FREM1: variants seen among roughly 807,000 people sequenced by gnomAD.
The protein encoded by FREM1 is FRAS1-related extracellular matrix protein 1.
Under a neutral mutation model 210.1 loss-of-function variants are expected in FREM1, and 220 were observed. The ratio of observed to expected loss-of-function variants is 1.05; its 90% confidence interval spans 0.94 to 1.17. The LOEUF (loss-of-function observed/expected upper bound fraction) is 1.17. Among genes scored for constraint, FREM1 ranks in the 50% most tolerant of loss-of-function variants. FREM1 has a pLI of 0.00. For missense variants in FREM1, 3,454 were observed against 2,675.5 expected (o/e 1.29, Z -6.42); for synonymous variants, 1,189 against 980.2 (o/e 1.21, Z -3.98).
Position 14,797,626 on chromosome 9 carries a change from G to A in FREM1, c.3711C>T (p.Tyr1237=), listed in dbSNP as rs775976632. ...ELLKTGMRLT[Y]MHDDSESLAD... Reference sequence around the variant, plus strand: ...CAAGGCTCTCTGAGTCATCATGCATGTACGTCAACCTCATTCCTGGAAGAA... The same window carrying A: ...CAAGGCTCTCTGAGTCATCATGCATATACGTCAACCTCATTCCTGGAAGAA... Residue 1237 remains tyrosine (Y), a synonymous_variant, in exon 21 of 37, where the codon TAC becomes TAT. Transcript: ENST00000380880. The A allele has an allele frequency of 6.2e-7, 1 of 1,611,776 alleles. No homozygotes were observed. The highest frequency in any genetic ancestry group is 8.5e-7 in the Non-Finnish European group (1 of 1,178,628).
chr9:14,739,172 C>T (rs1253206101), intron 36 of FREM1, among the ~76,000 whole-genome samples: 5 of 151,558 alleles, frequency 3.3e-5, no homozygotes, highest in African/African-American at 7.3e-5. Flanking sequence ...GGCACAATCA[C>T]GGCTCACTGC....
intron 11 of FREM1, among the ~76,000 whole-genome samples, 152 bp downstream of exon 11, chr9:14,824,644 A>C (rs1195903986): frequency 2.0e-5 from 3 of 152,212 alleles, no homozygotes; most frequent in Non-Finnish European, 4.4e-5. Flanking sequence ...AAGTTGTTTG[A>C]GAAAAAAGTA....
intron 19 of FREM1, among the ~76,000 whole-genome samples, 155 bp downstream of exon 19, chr9:14,804,801 T>C (rs1292301394): frequency 6.6e-6 from 1 of 152,142 alleles, no homozygotes; most frequent in East Asian, 1.9e-4. Flanking sequence ...GGCAGGAAGA[T>C]TAATAATTTT....
At chr9:14,802,475 C>T (rs1817473687) in intron 19 of FREM1, among the ~76,000 whole-genome samples, 1 of 152,158 alleles carries the variant, frequency 6.6e-6, no homozygotes, top group Non-Finnish European at 1.5e-5. Flanking sequence ...TCCCTCATCT[C>T]CCTCCCATTC....
At chr9:14,852,430 G>A (rs188346117) in intron 5 of FREM1, among the ~76,000 whole-genome samples, 10 of 152,292 alleles carry the variant, frequency 6.6e-5, no homozygotes, top group African/African-American at 2.2e-4. Flanking sequence ...GCTCACGCCT[G>A]CAATCCCAGC....
rs56960871 is a variant in FREM1, at chr9:14,865,661, CTGTGTGTGTGTGTG to C, written c.235-1772_235-1759del. On this transcript the variant is annotated intron_variant, in intron 2 of 36. Transcript: ENST00000380880. ...GCTCTATTAAAGAATAATGTTTAGG[CTGTGTGTGTGTGTG>C]TGTGTGTGTGTGTGTGTGTGTGTGC... Among the ~76,000 whole-genome samples, 57 of 144,616 alleles carry C rather than the reference CTGTGTGTGTGTGTG, an allele frequency of 3.9e-4. No individual in the cohort carries two copies. In the Middle Eastern group the frequency reaches 0.01, roughly 27 times the overall value. 94.9% of individuals were successfully genotyped at this position (144,616 alleles called of 152,430 possible).
intron 5 of FREM1, among the ~76,000 whole-genome samples, chr9:14,855,324 A>C (rs555582561): frequency 1.7e-4 from 26 of 152,270 alleles, no homozygotes; most frequent in Non-Finnish European, 2.6e-4. Context: ...AATAGTGTTG[A>C]AAATTTGGGC....
intron 1 of FREM1, among the ~76,000 whole-genome samples, chr9:14,877,146 A>G (rs1442515049): frequency 1.3e-5 from 2 of 152,102 alleles, no homozygotes; most frequent in African/African-American, 4.8e-5. Context: ...TTTTGTATCT[A>G]CACTCATTCC....
intron 16 of FREM1, 44 bp from the exon 17 acceptor site, chr9:14,808,178 T>C (rs1200764354): frequency 8.3e-6 from 11 of 1,318,586 alleles, no homozygotes; most frequent in African/African-American, 1.5e-5. Context: ...TTAAAAAATA[T>C]AGAATACCAA....
intron 10 of FREM1, among the ~76,000 whole-genome samples, chr9:14,831,041 C>T (rs548092788): frequency 1.3e-4 from 20 of 152,268 alleles, no homozygotes; most frequent in South Asian, 1.0e-3. Flanking sequence ...CTTGGAGAAC[C>T]CCCCATTACC....
intron 1 of FREM1, among the ~76,000 whole-genome samples, chr9:14,880,635 A>G (rs1011405109): frequency 3.3e-5 from 5 of 151,858 alleles, no homozygotes; most frequent in Non-Finnish European, 7.4e-5. Context: ...CAAAAATTAC[A>G]TATGAGATTC....
intron 8 of FREM1, 55 bp from the exon 9 acceptor site, chr9:14,842,715 G>C (rs1038326930): frequency 5.4e-6 from 7 of 1,307,196 alleles, no homozygotes; most frequent in South Asian, 5.1e-5. Context: ...AGAAGCAGCA[G>C]CTGTGGGGAA....
At chr9:14,763,261 C>T (rs1246720292) in intron 27 of FREM1, among the ~76,000 whole-genome samples, 2 of 152,186 alleles carry the variant, frequency 1.3e-5, no homozygotes, top group Admixed American at 6.5e-5. Flanking sequence ...CTGTCCTCCT[C>T]GCATTAGATG....
chr9:14,838,493 AC>A (rs1825037221), intron 10 of FREM1, among the ~76,000 whole-genome samples: 1 of 151,656 alleles, frequency 6.6e-6, no homozygotes, highest in Non-Finnish European at 1.5e-5. Flanking sequence ...TTGCCAGCAC[AC>A]ACACACACAC....
rs767113668 is a variant in FREM1, at chr9:14,836,243, G to A, written c.1881+5204C>T. ...TACTATTTGCAATAGGGTTATACAC[G>A]GTAGCACCTTCAAACTAAAATATTG... On this transcript the variant is annotated intron_variant, in intron 10 of 36. Transcript: ENST00000380880. The surrounding 1 kb of genome is among the most constrained non-coding windows in gnomAD (Gnocchi z 4.9). Among the ~76,000 whole-genome samples the A allele has an allele frequency of 1.2e-4, 18 of 152,276 alleles. No individual in the cohort carries two copies. Among genetic ancestry groups the A allele is most frequent in the Admixed American group, 2.0e-4 (3 of 15,294 alleles).
chr9:14,746,331 A>G (rs1563817133), intron 35 of FREM1, 22 bp downstream of exon 35: 4 of 1,503,694 alleles, frequency 2.7e-6, no homozygotes, highest in Non-Finnish European at 3.7e-6. Flanking sequence ...ACACCAATCA[A>G]ATGTGCAATA....
intron 27 of FREM1, among the ~76,000 whole-genome samples, chr9:14,763,528 A>G (rs1292938354): frequency 6.6e-6 from 1 of 152,202 alleles, no homozygotes; most frequent in East Asian, 1.9e-4. Context: ...TTCAATGTGA[A>G]GATAAATTCG....
intron 21 of FREM1, among the ~76,000 whole-genome samples, chr9:14,794,346 G>A (rs1037037744): frequency 3.9e-5 from 6 of 152,164 alleles, no homozygotes; most frequent in Admixed American, 2.6e-4. Context: ...TGCTCCTAAT[G>A]GACAGGAAGC....
intron 6 of FREM1, among the ~76,000 whole-genome samples, chr9:14,850,926 G>A (rs1173960574): frequency 6.6e-6 from 1 of 152,008 alleles, no homozygotes; most frequent in South Asian, 2.1e-4. Context: ...CTATATTCAA[G>A]AATTTAAGCA....
Sources: gnomAD v4.1 joint callset for allele counts (sites outside exome capture counted in the v4.1 genomes callset) on GRCh38, gnomAD v4.1.1 for gene constraint, Gnocchi (gnomAD v3.1) non-coding constraint, MANE v1.5 for transcripts, NCBI Gene and HGNC (gene_info 2026-07-23, HGNC 2026-07-21) for gene names.